The following TYW1B variants were observed in gnomAD, a reference collection of about 807,000 sequenced individuals.
TYW1B encodes tRNA-yW synthesizing protein 1 homolog B.
TYW1B carries 73 observed loss-of-function variants against 86.9 expected under a neutral mutation model. The ratio of observed to expected loss-of-function variants is 0.84; its 90% CI spans 0.70 to 1.02. TYW1B has a LOEUF of 1.02. TYW1B is among the 50% of genes least tolerant of loss of function. The pLI is 0.00. For missense variants in TYW1B, 637 were observed against 827.4 expected (o/e 0.77, Z 2.82); for synonymous variants, 248 against 292.8 (o/e 0.85, Z 1.56).
chr7:72,642,655 C>A, intron 11 of TYW1B, among the ~76,000 whole-genome samples: 1 of 152,230 alleles, frequency 6.6e-6, no homozygotes, highest in East Asian at 1.9e-4. Context: ...GTAATCCCAG[C>A]ACTTTGGGAG....
chr7:72,579,608 G>GA (rs1811103044), intron 13 of TYW1B, among the ~76,000 whole-genome samples: 2 of 152,064 alleles, frequency 1.3e-5, no homozygotes, highest in Non-Finnish European at 2.9e-5. Flanking sequence ...ACATGTACAC[G>GA]GAAAGTGAGT....
chr7:72,733,670 A>G (rs1554460373), intron 8 of TYW1B, among the ~76,000 whole-genome samples: 1 of 152,194 alleles, frequency 6.6e-6, no homozygotes, highest in African/African-American at 2.4e-5. Context: ...CAAAGAAATA[A>G]GAAAGAAAAA....
Position 72,810,719 on chromosome 7 carries a change from A to G in TYW1B, c.238-54T>C, listed in dbSNP as rs1440775502. The G allele has an allele frequency of 6.5e-6, 10 of 1,535,266 alleles. No homozygotes were observed. The Admixed American group carries it at 1.5e-4, about 23-fold the overall frequency. ...AACATACAAGGCATAAATTATCTCA[A>G]CGAAGAAAATCCTTTGAAAAAAAGC... On this transcript the variant is annotated intron_variant, in intron 3 of 13. Transcript: ENST00000620995.
chr7:72,595,872 T>C (rs1266594879), intron 13 of TYW1B, among the ~76,000 whole-genome samples: 1 of 151,976 alleles, frequency 6.6e-6, no homozygotes, highest in Non-Finnish European at 1.5e-5. Context: ...ATTGAAAGAC[T>C]TAATATTAAG....
intron 11 of TYW1B, among the ~76,000 whole-genome samples, chr7:72,632,464 TATATATATAAAATATATATATACAC>T (rs1563039024): frequency 4.4e-5 from 5 of 112,958 alleles, no homozygotes; most frequent in African/African-American, 2.0e-4. Context: ...TATATATACA[TATATATATAAAATATATATATACAC>T]ATATATACAT....
chr7:72,659,790 A>C (rs1348734142), intron 11 of TYW1B, among the ~76,000 whole-genome samples: 1 of 152,158 alleles, frequency 6.6e-6, no homozygotes, highest in African/African-American at 2.4e-5. Flanking sequence ...AAACCCCCAA[A>C]GGAGAGAGTT....
At chr7:72,773,548 G>T (rs1232322931) in intron 7 of TYW1B, among the ~76,000 whole-genome samples, 1 of 152,128 alleles carries the variant, frequency 6.6e-6, no homozygotes, top group Non-Finnish European at 1.5e-5. Flanking sequence ...CAGAGCCTGG[G>T]GAGACAAAGG....
chr7:72,660,916 C>T (rs1199440548), intron 11 of TYW1B, among the ~76,000 whole-genome samples: 1 of 151,632 alleles, frequency 6.6e-6, no homozygotes, highest in Non-Finnish European at 1.5e-5. Context: ...GCGGGTGGAT[C>T]ACCTGAGGTC....
intron 8 of TYW1B, among the ~76,000 whole-genome samples, chr7:72,739,036 T>G (rs1264636914): frequency 6.6e-6 from 1 of 152,084 alleles, no homozygotes; most frequent in African/African-American, 2.4e-5. Flanking sequence ...CAGTGAGCTA[T>G]GATTGCACCA....
intron 13 of TYW1B, 54 bp downstream of exon 13, chr7:72,616,617 AG>A: frequency 6.2e-7 from 1 of 1,613,352 alleles, no homozygotes; most frequent in Non-Finnish European, 8.5e-7. Context: ...AGAGAAGAGA[AG>A]GAAAGAACAG....
At chr7:72,818,578 C>CAAAAAAAA (rs57325230) in intron 2 of TYW1B, among the ~76,000 whole-genome samples, 7 of 38,380 alleles carry the variant, frequency 1.8e-4, no homozygotes, top group Non-Finnish European at 2.6e-4. Context: ...GACTCCATCT[C>CAAAAAAAA]AAAAAAAAAA....
intron 13 of TYW1B, among the ~76,000 whole-genome samples, chr7:72,591,220 A>T (rs1362376864): frequency 3.9e-5 from 6 of 152,122 alleles, no homozygotes. Context: ...GTGAACTGAC[A>T]TTTGCACGTG....
chr7:72,632,298 T>TATATATTATATATATATATATAC (rs1387684331), intron 11 of TYW1B, among the ~76,000 whole-genome samples: 1 of 67,376 alleles, frequency 1.5e-5, no homozygotes, highest in African/African-American at 1.1e-4. Flanking sequence ...TATATATATA[T>TATATATTATATATATATATATAC]ACGTGTATAT....
At chr7:72,700,996 G>A (rs185099225) in intron 10 of TYW1B, among the ~76,000 whole-genome samples, 197 of 152,042 alleles carry the variant, frequency 1.3e-3, no homozygotes, top group Non-Finnish European at 1.9e-3. Flanking sequence ...TCGGGGAGGC[G>A]GAGGTTGCAG....
chr7:72,686,073 A>G (rs1469375814), intron 11 of TYW1B, among the ~76,000 whole-genome samples: 1 of 152,198 alleles, frequency 6.6e-6, no homozygotes, highest in Non-Finnish European at 1.5e-5. Context: ...ATGCAAAATG[A>G]AACAACAGTG....
Position 72,735,482 on chromosome 7 carries a change from G to C in TYW1B, c.1083-6551C>G, listed in dbSNP as rs182667139. The stretch of plus-strand genomic sequence containing the variant: ...ACTTATTCAGGAGGCTGAGGCAAGA[G>C]AATCACTTGAACCTGGGAGGTGGAG... On this transcript the variant is annotated intron_variant, in intron 8 of 13. Transcript: ENST00000620995. 4.5e-3 allele frequency among the ~76,000 whole-genome samples: 673 copies of C among 150,856 alleles called. 3 individuals are homozygous for C. The highest frequency in any genetic ancestry group is 7.2e-3 in the Non-Finnish European group (491 of 67,898).
At chr7:72,752,604 G>GT (rs782753609) in intron 7 of TYW1B, among the ~76,000 whole-genome samples, 8 of 151,984 alleles carry the variant, frequency 5.3e-5, no homozygotes, top group Non-Finnish European at 1.2e-4. Context: ...GGTGGCAGGA[G>GT]CGTGTAATCC....
intron 13 of TYW1B, among the ~76,000 whole-genome samples, chr7:72,590,852 C>A (rs1811380653): frequency 6.6e-6 from 1 of 152,084 alleles, no homozygotes; most frequent in Non-Finnish European, 1.5e-5. Flanking sequence ...CAGAAACTGA[C>A]CCTGAGAAAG....
intron 3 of TYW1B, among the ~76,000 whole-genome samples, chr7:72,813,415 A>G (rs1216071973): frequency 2.0e-5 from 3 of 152,126 alleles, no homozygotes; most frequent in Non-Finnish European, 4.4e-5. Flanking sequence ...ACCACAGGTG[A>G]TCCACCTACC....
Sources: gnomAD v4.1 joint callset for allele counts (sites outside exome capture counted in the v4.1 genomes callset) on GRCh38, gnomAD v4.1.1 for gene constraint, MANE v1.5 for transcripts, NCBI Gene and HGNC (gene_info 2026-07-23, HGNC 2026-07-21) for gene names.